Variants in NME8 observed in about 807,000 individuals in gnomAD.
NME8 encodes the protein protein NME8.
A neutral mutation model predicts 82.3 loss-of-function variants in NME8; 72 were observed. The observed-to-expected ratio is 0.87, with a 90% CI of 0.72 to 1.06. The LOEUF (loss-of-function observed/expected upper bound fraction) is 1.06. Among genes scored for constraint, NME8 ranks in the 50% least tolerant of loss-of-function variants. The pLI is 0.00. For synonymous variants in NME8, 267 were observed against 228.5 expected (o/e 1.17, Z -1.52); for missense variants, 712 against 685.4 (o/e 1.04, Z -0.43).
Position 37,864,450 on chromosome 7 carries a change from A to G in NME8, c.528+29A>G, listed in dbSNP as rs778927416. 2.0e-6 allele frequency: 3 copies of G among 1,506,590 alleles called. No individual in the cohort carries two copies. In the African/African-American group the frequency reaches 4.3e-5, roughly 22 times the overall value. 93.3% of individuals were successfully genotyped at this position (1,506,590 alleles called of 1,614,324 possible). A position where few individuals can be genotyped will look rare whatever the true frequency, so the allele number is the denominator to read the frequency against. On this transcript the variant is annotated intron_variant, in intron 9 of 17. Coordinates refer to ENST00000199447, the MANE Select transcript of NME8 (RefSeq NM_016616.5). ...AGTAATATTTTCCAACTATGATTAA[A>G]TTAATTGCAAAATAACAACCTCTTA... is the stretch of plus-strand genomic sequence containing the variant.
At chr7:37,883,833 GAAA>G (rs1200357257) in intron 12 of NME8, among the ~76,000 whole-genome samples, 6 of 152,188 alleles carry the variant, frequency 3.9e-5, no homozygotes, top group Non-Finnish European at 1.5e-5. Context: ...AGAAGGTTGA[GAAA>G]TACCTTCAGG....
chr7:37,850,648 C>T lies in NME8; in HGVS notation c.111C>T (p.Ala37=). The stretch of plus-strand genomic sequence containing the variant: ...TTCTAGTGATTGATGTTTACCAAGC[C>T]TGGTGTGGACCTTGCAGAGCAATGC... ...KGLTVIDVYQ[A]WCGPCRAMQP... Residue 37 remains alanine (A), a synonymous_variant, in exon 5 of 18, where the codon GCC becomes GCT. Transcript: ENST00000199447. 6.2e-7 allele frequency: 1 copy of T among 1,611,730 alleles called. No individual in the cohort carries two copies.
intron 11 of NME8, among the ~76,000 whole-genome samples, chr7:37,873,370 A>AAAAAAAAAAAAAAAAAAAAG (rs796807809): frequency 6.8e-6 from 1 of 147,034 alleles, no homozygotes; most frequent in African/African-American, 2.5e-5. Context: ...AAAAAAAAAA[A>AAAAAAAAAAAAAAAAAAAAG]AAAAGAAAAG....
chr7:37,864,265 A>C lies in NME8; in HGVS notation c.455-83A>C. ...ACAATTAACTGATCATTAGAAATTT[A>C]CATTGCTAATTGCCAGATCCTTCAT... On this transcript the variant is annotated intron_variant, in intron 8 of 17. Coordinates refer to ENST00000199447, the MANE Select transcript of NME8 (RefSeq NM_016616.5). 2.0e-6 allele frequency: 3 copies of C among 1,473,428 alleles called. No homozygotes were observed. The South Asian group carries it at 3.6e-5, about 18-fold the overall frequency. The allele number at this position is 1,473,428 out of a possible 1,614,324, so 91.3% of individuals were successfully genotyped here. A position where few individuals can be genotyped will look rare whatever the true frequency, so the allele number is the denominator to read the frequency against.
intron 5 of NME8, among the ~76,000 whole-genome samples, chr7:37,852,260 A>G (rs975010371): frequency 6.6e-6 from 1 of 152,114 alleles, no homozygotes; most frequent in Non-Finnish European, 1.5e-5. Flanking sequence ...TATATCCCCT[A>G]TCCCCACACT....
chr7:37,898,803 C>A (rs1785269923), intron 17 of NME8, among the ~76,000 whole-genome samples: 1 of 152,018 alleles, frequency 6.6e-6, no homozygotes, highest in African/African-American at 2.4e-5. Flanking sequence ...TAATTGCAAA[C>A]CATGCAAATG....
chr7:37,895,354 C>A (rs1785208559), intron 16 of NME8, among the ~76,000 whole-genome samples: 1 of 152,132 alleles, frequency 6.6e-6, no homozygotes, highest in African/African-American at 2.4e-5. Flanking sequence ...GAGCTGTACA[C>A]ACTTTATTTC....
At chr7:37,888,578 A>G in intron 15 of NME8, 150 bp downstream of exon 15, 5 of 677,142 alleles carry the variant, frequency 7.4e-6, no homozygotes, top group South Asian at 3.6e-5. Flanking sequence ...ATTTAGATTC[A>G]ACAATTAACT....
chr7:37,857,937 C>T (rs972806843), intron 6 of NME8, among the ~76,000 whole-genome samples: 2 of 152,138 alleles, frequency 1.3e-5, no homozygotes, highest in Admixed American at 6.6e-5. Flanking sequence ...TGGCTAACGC[C>T]TGTAATCTCA....
chr7:37,894,265 G>C (rs1245757163), intron 15 of NME8, among the ~76,000 whole-genome samples: 1 of 152,142 alleles, frequency 6.6e-6, no homozygotes, highest in Non-Finnish European at 1.5e-5. Context: ...GAGCCTCAGA[G>C]ACTGAAAATC....
chr7:37,849,721 A>G (rs1036241910), intron 2 of NME8, among the ~76,000 whole-genome samples: 3 of 152,082 alleles, frequency 2.0e-5, no homozygotes, highest in African/African-American at 4.8e-5. Flanking sequence ...TACAAAAAAA[A>G]TTAGCCCGCC....
At chr7:37,861,898 C>A in intron 6 of NME8, 130 bp from the exon 7 acceptor site, 2 of 767,566 alleles carry the variant, frequency 2.6e-6, no homozygotes, top group South Asian at 1.4e-5. Flanking sequence ...CGTTAATTAC[C>A]ATAGCTAAAA....
chr7:37,884,686 T>C (rs989525772), intron 13 of NME8, among the ~76,000 whole-genome samples: 8 of 152,192 alleles, frequency 5.3e-5, no homozygotes, highest in African/African-American at 1.9e-4. Context: ...TGGAGTCCCA[T>C]TGAGTTGAAC....
chr7:37,886,330 AGT>A (rs1481908678), intron 14 of NME8, among the ~76,000 whole-genome samples: 1 of 152,214 alleles, frequency 6.6e-6, no homozygotes, highest in African/African-American at 2.4e-5. Flanking sequence ...TGTGGCACCA[AGT>A]GTGGAGGCTC....
At chr7:37,867,667 G>C (rs1407971587) in intron 10 of NME8, 35 bp from the exon 11 acceptor site, 1 of 1,548,262 alleles carries the variant, frequency 6.5e-7, no homozygotes, top group Non-Finnish European at 8.9e-7. Context: ...CATTTCAGGA[G>C]CCTGAAGGAA....
At chr7:37,894,003 G>A (rs921216969) in intron 15 of NME8, among the ~76,000 whole-genome samples, 16 of 152,258 alleles carry the variant, frequency 1.1e-4, no homozygotes, top group African/African-American at 3.8e-4. Context: ...TCTCTAGAAT[G>A]TAGCCCTCAA....
chr7:37,867,688 AT>A lies in NME8; in HGVS notation c.622-10del. The A allele has an allele frequency of 6.2e-7, 1 of 1,604,596 alleles. No homozygotes were observed. The highest frequency in any genetic ancestry group is 1.7e-5 in the Admixed American group (1 of 59,946). The stretch of plus-strand genomic sequence containing the variant: ...AGGAGCCTGAAGGAAACAGTTTATC[AT>A]TTTATTTTGTAGTGTGACTTCGAAG... On this transcript the variant is annotated splice_polypyrimidine_tract_variant and intron_variant, in intron 10 of 17. Transcript: ENST00000199447.
At chr7:37,892,418 T>G (rs1346535271) in intron 15 of NME8, among the ~76,000 whole-genome samples, 2 of 151,734 alleles carry the variant, frequency 1.3e-5, no homozygotes, top group East Asian at 3.8e-4. Context: ...ATTGACTTAC[T>G]CAATTTTTAG....
intron 15 of NME8, among the ~76,000 whole-genome samples, chr7:37,893,466 C>T (rs1785165948): frequency 6.6e-6 from 1 of 152,118 alleles, no homozygotes; most frequent in African/African-American, 2.4e-5. Flanking sequence ...CTTCTACTTA[C>T]TTGGCCAACT....
Sources: allele counts gnomAD v4.1 joint callset (sites outside exome capture counted in the v4.1 genomes callset), GRCh38; gene constraint gnomAD v4.1.1; transcripts MANE v1.5; gene names NCBI Gene and HGNC (gene_info 2026-07-23, HGNC 2026-07-21).